OSBPL10: variants seen among roughly 807,000 people sequenced by gnomAD.
The protein encoded by OSBPL10 is oxysterol binding protein like 10.
In OSBPL10, 49 loss-of-function variants were observed where a neutral mutation model predicts 81.7. The observed-to-expected ratio is 0.60, with a 90% CI of 0.48 to 0.76. The LOEUF is 0.76. Among genes scored for constraint, OSBPL10 ranks in the 30% least tolerant of loss-of-function variants. The pLI is 0.00. For missense variants in OSBPL10, 923 were observed against 987.8 expected (o/e 0.93, Z 0.88); for synonymous variants, 419 against 383.6 (o/e 1.09, Z -1.08).
At chr3:31,885,588 T>C (rs905433123) in intron 1 of OSBPL10, among the ~76,000 whole-genome samples, 4 of 152,054 alleles carry the variant, frequency 2.6e-5, no homozygotes, top group African/African-American at 9.7e-5. Flanking sequence ...AACTTTAGGA[T>C]CTAAAAGCTG....
At chr3:31,959,625 A>G (rs981714430) in intron 1 of OSBPL10, among the ~76,000 whole-genome samples, 11 of 152,208 alleles carry the variant, frequency 7.2e-5, no homozygotes, top group African/African-American at 2.7e-4. Context: ...TTTGCTATAT[A>G]ACAAAACACA....
chr3:31,966,352 TAGAAA>T lies in OSBPL10; in HGVS notation c.281+14542_281+14546del, dbSNP rs1222777890. Among the ~76,000 whole-genome samples, 3 of 151,574 alleles carry T rather than the reference TAGAAA, an allele frequency of 2.0e-5. No individual in the cohort carries two copies. In the East Asian group the frequency reaches 5.8e-4, roughly 29 times the overall value. On this transcript the variant is annotated intron_variant, in intron 1 of 11. Coordinates refer to ENST00000396556, the MANE Select transcript of OSBPL10 (RefSeq NM_017784.5). ...AATTTATAGCACTAAATGTTTACAT[TAGAAA>T]AGAAATGATAATTTAATAATTTAAG...
At chr3:31,823,446 A>G (rs1252318819) in intron 4 of OSBPL10, among the ~76,000 whole-genome samples, 2 of 151,204 alleles carry the variant, frequency 1.3e-5, no homozygotes, top group Non-Finnish European at 3.0e-5. Context: ...TGAGTAAGCA[A>G]GCTCACAGTC....
intron 6 of OSBPL10, among the ~76,000 whole-genome samples, chr3:31,725,366 AT>A (rs1432789886): frequency 6.6e-6 from 1 of 152,142 alleles, no homozygotes; most frequent in East Asian, 1.9e-4. Flanking sequence ...TATCTTCTAC[AT>A]TTGCCTAAAG....
intron 1 of OSBPL10, among the ~76,000 whole-genome samples, chr3:32,074,947 C>A (rs1699861579): frequency 6.6e-6 from 1 of 152,196 alleles, no homozygotes; most frequent in Non-Finnish European, 1.5e-5. Context: ...GTCTTCCTTA[C>A]CCCCAAAATC....
In OSBPL10 at chr3:31,806,176, G is replaced by A. The variant is rs543312926; in HGVS notation, c.729+23864C>T. 3.9e-5 allele frequency among the ~76,000 whole-genome samples: 6 copies of A among 152,264 alleles called. No individual in the cohort carries two copies. In the South Asian group the frequency reaches 1.0e-3, roughly 26 times the overall value. ...TACCTCCCCTCCAAGAATGATGGAT[G>A]CAGGGAAGGAGGACCCGAGAGCCTA... On this transcript the variant is annotated intron_variant, in intron 4 of 11. Transcript: ENST00000396556.
At chr3:32,029,810 A>G (rs1373869216) in intron 2 of OSBPL10, among the ~76,000 whole-genome samples, 1 of 152,200 alleles carries the variant, frequency 6.6e-6, no homozygotes, top group Non-Finnish European at 1.5e-5. Flanking sequence ...GTAAAGACAC[A>G]TAGTTTTTAT....
chr3:31,672,618 T>C (rs957102243), intron 8 of OSBPL10, among the ~76,000 whole-genome samples: 2 of 152,170 alleles, frequency 1.3e-5, no homozygotes, highest in Non-Finnish European at 2.9e-5. Context: ...ATTCCTCTAA[T>C]TGCCCATGCA....
intron 4 of OSBPL10, among the ~76,000 whole-genome samples, chr3:31,798,496 T>C (rs1294704229): frequency 1.3e-5 from 2 of 151,904 alleles, no homozygotes; most frequent in East Asian, 3.9e-4. Context: ...ATACATAAAA[T>C]ATTACATTTT....
intron 2 of OSBPL10, among the ~76,000 whole-genome samples, chr3:31,877,551 A>C (rs1217213455): frequency 1.3e-5 from 2 of 152,040 alleles, no homozygotes; most frequent in Non-Finnish European, 2.9e-5. Flanking sequence ...AAATATAATA[A>C]TACTAGCTGC....
intron 6 of OSBPL10, chr3:31,717,040 G>A (rs1193772293): frequency 6.6e-6 from 1 of 152,220 alleles, no homozygotes; most frequent in Admixed American, 6.5e-5. Context: ...CAAGTCATTA[G>A]AAGCAAGAGG....
At chr3:31,983,134 A>G (rs977573987), upstream of OSBPL10, among the ~76,000 whole-genome samples, 1 of 152,218 alleles carries the variant, frequency 6.6e-6, no homozygotes, top group Non-Finnish European at 1.5e-5. Context: ...GAAGCCATTG[A>G]GATTTTAGCA....
chr3:32,019,721 A>G (rs1471216550), intron 2 of OSBPL10, among the ~76,000 whole-genome samples: 1 of 152,202 alleles, frequency 6.6e-6, no homozygotes, highest in Non-Finnish European at 1.5e-5. Context: ...CAATTATAAA[A>G]AATTATTAAC....
At chr3:31,988,648 C>G in intron 2 of OSBPL10, 1 of 189,288 alleles carries the variant, frequency 5.3e-6, no homozygotes, top group Non-Finnish European at 1.1e-5. Context: ...CTTTCTCTCT[C>G]TCTATCATCA....
At chr3:31,678,877 A>G (rs939875334) in intron 8 of OSBPL10, among the ~76,000 whole-genome samples, 2 of 148,790 alleles carry the variant, frequency 1.3e-5, no homozygotes, top group Non-Finnish European at 3.0e-5. Flanking sequence ...CTCTGCTTCT[A>G]TCTTTGCACT....
chr3:31,837,330 T>TATAC (rs1700380393), intron 3 of OSBPL10, among the ~76,000 whole-genome samples: 1 of 8,596 alleles, frequency 1.2e-4, no homozygotes, highest in Admixed American at 1.2e-3. Context: ...ATTATATATA[T>TATAC]ATATATATAT....
intron 4 of OSBPL10, among the ~76,000 whole-genome samples, chr3:31,759,918 C>A (rs558964433): frequency 6.6e-6 from 1 of 152,064 alleles, no homozygotes; most frequent in African/African-American, 2.4e-5. Context: ...CACCACAACA[C>A]CTGGCTAATT....
intron 2 of OSBPL10, among the ~76,000 whole-genome samples, chr3:32,027,459 C>T (rs12496020): frequency 0.69 from 105,078 of 152,016 alleles, 38,769 homozygotes; most frequent in South Asian, 0.85. Context: ...TAGCTTTATC[C>T]ATAATGTTTT....
At chr3:31,909,790 G>T (rs1696520407) in intron 1 of OSBPL10, among the ~76,000 whole-genome samples, 1 of 152,000 alleles carries the variant, frequency 6.6e-6, no homozygotes, top group Non-Finnish European at 1.5e-5. Context: ...GAACCCACAT[G>T]AATCTACTAG....
Sources: allele counts gnomAD v4.1 joint callset (sites outside exome capture counted in the v4.1 genomes callset), GRCh38; gene constraint gnomAD v4.1.1; transcripts MANE v1.5; gene names NCBI Gene and HGNC (gene_info 2026-07-23, HGNC 2026-07-21).